GALNT13: variants seen among roughly 807,000 people sequenced by gnomAD.
GALNT13 encodes the protein UDP-GalNAc:polypeptide N-acetylgalactosaminyltransferase 13.
A neutral mutation model predicts 64.2 loss-of-function variants in GALNT13; 28 were observed. The ratio of observed to expected loss-of-function variants is 0.44; its 90% CI spans 0.32 to 0.60. The LOEUF (loss-of-function observed/expected upper bound fraction) is 0.60, where lower values mean the gene tolerates loss of function less well. Among genes scored for constraint, GALNT13 ranks in the 20% least tolerant of loss-of-function variants. The pLI, the probability that GALNT13 is intolerant of heterozygous loss-of-function variation, is 0.05. For synonymous variants in GALNT13, 214 were observed against 224.6 expected (o/e 0.95, Z 0.42); for missense variants, 577 against 669.8 (o/e 0.86, Z 1.53).
intron 11 of GALNT13, chr2:154,437,579 G>C (rs1701043200): frequency 7.8e-7 from 1 of 1,280,054 alleles, no homozygotes; most frequent in African/African-American, 1.5e-5. Context: ...TCATGAGGCT[G>C]GGCATGGCGG....
At chr2:153,799,952 A>G in the GALNT13 span, among the ~76,000 whole-genome samples, 2 of 151,790 alleles carry the variant, frequency 1.3e-5, no homozygotes, top group Admixed American at 1.3e-4. Context: ...CATTTGTTAC[A>G]GTAGCATTAT....
At chr2:154,265,760 A>G (rs895951309) in intron 8 of GALNT13, among the ~76,000 whole-genome samples, 2 of 152,220 alleles carry the variant, frequency 1.3e-5, no homozygotes, top group Admixed American at 6.5e-5. Flanking sequence ...CTCCCAATTC[A>G]TTCTGTGAGA....
chr2:154,082,167 C>G lies in GALNT13; in HGVS notation c.143-58170C>G, dbSNP rs148190111. 2.3e-3 allele frequency among the ~76,000 whole-genome samples: 344 copies of G among 151,482 alleles called. 3 individuals carry two copies. The highest frequency in any genetic ancestry group is 7.9e-3 in the African/African-American group (328 of 41,406). ...TCCTTTGTTTTTTAAAACAATGTAA[C>G]CTATATGAATTTTGTTTTCATCTTA... On this transcript the variant is annotated intron_variant, in intron 3 of 12. Transcript: ENST00000392825.
intron 9 of GALNT13, among the ~76,000 whole-genome samples, chr2:154,318,055 CA>C (rs1694418670): frequency 6.6e-6 from 1 of 151,942 alleles, no homozygotes; most frequent in South Asian, 2.1e-4. Context: ...AAATACTACC[CA>C]AAAAGAGGTA....
the GALNT13 span, chr2:153,173,384 A>T: frequency 6.6e-6 from 1 of 152,174 alleles, no homozygotes; most frequent in Non-Finnish European, 1.5e-5. Context: ...TACCGAAATC[A>T]AGTTAGGATT....
the GALNT13 span, among the ~76,000 whole-genome samples, chr2:153,806,965 A>G: frequency 2.0e-5 from 3 of 152,220 alleles, no homozygotes; most frequent in Non-Finnish European, 4.4e-5. Flanking sequence ...AAAAGTTAAG[A>G]GCATAATTAC....
At chr2:153,677,796 C>T in the GALNT13 span, among the ~76,000 whole-genome samples, 11 of 152,022 alleles carry the variant, frequency 7.2e-5, no homozygotes, top group African/African-American at 2.7e-4. Flanking sequence ...ACTTCCTATT[C>T]AATAAATGGT....
the GALNT13 span, among the ~76,000 whole-genome samples, chr2:153,578,955 CA>C: frequency 6.6e-6 from 1 of 152,204 alleles, no homozygotes; most frequent in Non-Finnish European, 1.5e-5. Flanking sequence ...ACAATGAACA[CA>C]AGGCTTCTTG....
At chr2:153,236,513 C>G in the GALNT13 span, among the ~76,000 whole-genome samples, 9 of 152,034 alleles carry the variant, frequency 5.9e-5, no homozygotes, top group Admixed American at 1.3e-4. Context: ...TTACCATTCC[C>G]CAAATCCGAG....
intron 4 of GALNT13, among the ~76,000 whole-genome samples, chr2:154,193,326 T>C (rs1326112339): frequency 3.3e-5 from 5 of 152,256 alleles, no homozygotes; most frequent in African/African-American, 1.2e-4. Context: ...TTTTTTATTC[T>C]TGTTAAATAG....
the GALNT13 span, among the ~76,000 whole-genome samples, chr2:153,153,050 C>G: frequency 6.6e-6 from 1 of 152,142 alleles, no homozygotes; most frequent in Non-Finnish European, 1.5e-5. Context: ...TCATTTTTCT[C>G]TATAACCTTG....
chr2:153,928,154 A>G (rs1690279153), intron 2 of GALNT13, among the ~76,000 whole-genome samples: 1 of 152,080 alleles, frequency 6.6e-6, no homozygotes, highest in Non-Finnish European at 1.5e-5. Flanking sequence ...CTCTGATACA[A>G]TTTTACAAGA....
chr2:153,633,689 G>A, the GALNT13 span, among the ~76,000 whole-genome samples: 1 of 152,146 alleles, frequency 6.6e-6, no homozygotes, highest in African/African-American at 2.4e-5. Context: ...TGTCCAGTGA[G>A]TGATCTATTT....
chr2:154,341,426 T>C (rs1379709283), intron 9 of GALNT13, among the ~76,000 whole-genome samples: 1 of 152,110 alleles, frequency 6.6e-6, no homozygotes, highest in Non-Finnish European at 1.5e-5. Flanking sequence ...AGGTGTGGAA[T>C]GCAGTGTTAA....
the GALNT13 span, among the ~76,000 whole-genome samples, chr2:153,669,788 G>A: frequency 3.9e-5 from 6 of 152,280 alleles, no homozygotes; most frequent in Middle Eastern, 3.4e-3. Context: ...GTGAGTGACC[G>A]TACCTGGAGG....
At chr2:153,423,428 A>C in the GALNT13 span, 1 of 151,950 alleles carries the variant, frequency 6.6e-6, no homozygotes, top group Non-Finnish European at 1.5e-5. Flanking sequence ...AAAATGTTAA[A>C]AACATGCCTT....
At chr2:153,358,852 CAG>C in the GALNT13 span, among the ~76,000 whole-genome samples, 2 of 152,066 alleles carry the variant, frequency 1.3e-5, no homozygotes, top group African/African-American at 4.8e-5. Flanking sequence ...TGTTTCTCAC[CAG>C]AGGTTATCAC....
chr2:153,989,125 T>C (rs1400521039), intron 3 of GALNT13, among the ~76,000 whole-genome samples: 1 of 152,030 alleles, frequency 6.6e-6, no homozygotes, highest in Non-Finnish European at 1.5e-5. Flanking sequence ...CAAGGACATT[T>C]CTAAAGAATT....
intron 3 of GALNT13, among the ~76,000 whole-genome samples, chr2:154,016,285 G>A (rs1241986624): frequency 1.3e-5 from 2 of 152,158 alleles, no homozygotes; most frequent in African/African-American, 4.8e-5. Context: ...TATAGAATTA[G>A]AATTTTGAAT....
Sources: allele counts gnomAD v4.1 joint callset (sites outside exome capture counted in the v4.1 genomes callset), GRCh38; gene constraint gnomAD v4.1.1; transcripts MANE v1.5; gene names NCBI Gene and HGNC (gene_info 2026-07-23, HGNC 2026-07-21).